The following CLHC1 variants were observed in gnomAD, a reference collection of about 807,000 sequenced individuals.
CLHC1 encodes the protein clathrin heavy chain linker domain containing 1.
In CLHC1, 72 loss-of-function variants were observed where a neutral mutation model predicts 69.5. That is an observed-to-expected ratio of 1.04 (90% CI 0.86 to 1.26). The LOEUF (loss-of-function observed/expected upper bound fraction) is 1.26, where lower values mean the gene tolerates loss of function less well. Among genes scored for constraint, CLHC1 ranks in the 50% most tolerant of loss-of-function variants. The pLI, the probability that CLHC1 is intolerant of heterozygous loss-of-function variation, is 0.00. For synonymous variants in CLHC1, 223 were observed against 224.3 expected (o/e 0.99, Z 0.05); for missense variants, 790 against 679.3 (o/e 1.16, Z -1.81).
chr2:55,208,549 C>T, intron 8 of CLHC1, 77 bp downstream of exon 8: 1 of 876,372 alleles, frequency 1.1e-6, no homozygotes, highest in East Asian at 2.5e-5. Flanking sequence ...CTCCTAGATT[C>T]CCAATCTGGT....
Position 55,175,899 on chromosome 2 carries a change from A to C in CLHC1, c.1652T>G (p.Phe551Cys). Residue 551 changes from phenylalanine (F) to cysteine (C), a missense_variant, in exon 13 of 13, where the codon TTT becomes TGT. Transcript: ENST00000401408. ...CGTGATGTCATTAGATAATTTGTCA[A>C]AGCCATTCTGTGAACATATATTTGC... ...EVANICSQNG[F>C]DKLSNDITSI... The C allele has an allele frequency of 1.9e-6, 3 of 1,614,056 alleles. No individual in the cohort carries two copies. Among genetic ancestry groups the C allele is most frequent in the Non-Finnish European group, 2.5e-6 (3 of 1,179,928 alleles).
At position 55,173,574 on chromosome 2, in the gene CLHC1, T is replaced by C. The variant is rs898641710; in HGVS notation, c.*2216A>G. Among the ~76,000 whole-genome samples, 1 of 152,134 alleles carries C rather than the reference T, an allele frequency of 6.6e-6. No individual in the cohort carries two copies. The highest frequency in any genetic ancestry group is 6.6e-5 in the Admixed American group (1 of 15,262). ...AGGAAAAGGACACATAGCTAGACAG[T>C]GGTGGGGCTGGTCTAGAATGCAGGT... On this transcript the variant is annotated 3_prime_UTR_variant, in exon 13 of 13. Coordinates refer to ENST00000401408, the MANE Select transcript of CLHC1 (RefSeq NM_152385.4).
Position 55,175,724 on chromosome 2 carries a change from T to C in CLHC1, c.*66A>G. 9.2e-7 allele frequency: 1 copy of C among 1,083,258 alleles called. No individual in the cohort carries two copies. Among genetic ancestry groups the C allele is most frequent in the Non-Finnish European group, 1.3e-6 (1 of 740,978 alleles). 67.1% of individuals were successfully genotyped at this position (1,083,258 alleles called of 1,614,324 possible). On this transcript the variant is annotated 3_prime_UTR_variant, in exon 13 of 13. Transcript: ENST00000401408. ...TATTTATAAGTTAGTTACGTTAAAA[T>C]CAGTTTTTCCCAACCAGCATACATA...
chr2:55,208,554 T>A lies in CLHC1; in HGVS notation c.899+72A>T, dbSNP rs1672657868. 4 of 908,514 alleles carry A rather than the reference T, an allele frequency of 4.4e-6. No individual in the cohort carries two copies. The African/African-American group carries it at 6.7e-5, about 15-fold the overall frequency. The allele number at this position is 908,514 out of a possible 1,614,324, so 56.3% of individuals were successfully genotyped here. Reference sequence around the variant, plus strand: ...TCTGAAAAATCTCCTAGATTCCCAATCTGGTATGTTATTCACAAAGAATCT... The same window carrying A: ...TCTGAAAAATCTCCTAGATTCCCAAACTGGTATGTTATTCACAAAGAATCT... On this transcript the variant is annotated intron_variant, in intron 8 of 12. Transcript: ENST00000401408.
intron 10 of CLHC1, 129 bp from the exon 11 acceptor site, chr2:55,180,841 T>A: frequency 1.5e-6 from 1 of 645,662 alleles, no homozygotes; most frequent in Non-Finnish European, 2.7e-6. Context: ...AGTTACAATT[T>A]AATAGGCAAT....
chr2:55,181,443 G>A, intron 10 of CLHC1, 127 bp downstream of exon 10: 1 of 744,768 alleles, frequency 1.3e-6, no homozygotes, highest in Non-Finnish European at 2.1e-6. Flanking sequence ...AACACTTTCT[G>A]ATTAATTGCA....
At chr2:55,180,846 G>C in intron 10 of CLHC1, 134 bp from the exon 11 acceptor site, 1 of 636,276 alleles carries the variant, frequency 1.6e-6, no homozygotes. Context: ...CAATTTAATA[G>C]GCAATTGATT....
Position 55,175,846 on chromosome 2 carries a change from T to C in CLHC1, c.1705A>G (p.Thr569Ala). The C allele has an allele frequency of 6.2e-7, 1 of 1,614,054 alleles. No homozygotes were observed. The highest frequency in any genetic ancestry group is 8.5e-7 in the Non-Finnish European group (1 of 1,179,948). ...TSILRSQAAVTEISEEDDAVN... is the reference protein window; with the variant it reads ...TSILRSQAAVAEISEEDDAVN... ...GCGTCATCCTCTTCAGAAATTTCTG[T>C]AACTGCAGCCTGAGATCGAAGAATA... Residue 569 changes from threonine (T) to alanine (A), a missense_variant, in exon 13 of 13, where the codon ACA (threonine) becomes GCA (alanine). Transcript: ENST00000401408.
At chr2:55,200,501 C>T (rs1012662047) in intron 9 of CLHC1, among the ~76,000 whole-genome samples, 1 of 151,896 alleles carries the variant, frequency 6.6e-6, no homozygotes. Context: ...TATATATGCC[C>T]CTAACACTGG....
At chr2:55,207,154 G>A (rs1210342623) in intron 8 of CLHC1, among the ~76,000 whole-genome samples, 1 of 151,892 alleles carries the variant, frequency 6.6e-6, no homozygotes, top group Non-Finnish European at 1.5e-5. Context: ...GAGATCAAGA[G>A]GTGTCCTTGG....
chr2:55,206,456 ACTAAATAT>A (rs1672457724), intron 8 of CLHC1, 80 bp from the exon 9 acceptor site: 1 of 774,138 alleles, frequency 1.3e-6, no homozygotes. Context: ...TTTAATACAG[ACTAAATAT>A]AGCGGCATAA....
chr2:55,190,483 T>C (rs1008459633), intron 9 of CLHC1, among the ~76,000 whole-genome samples: 4 of 152,142 alleles, frequency 2.6e-5, no homozygotes, highest in Non-Finnish European at 4.4e-5. Context: ...TTAAAAGTTA[T>C]TATAACTGTA....
At chr2:55,229,398 G>C (rs1440945364) in intron 1 of CLHC1, among the ~76,000 whole-genome samples, 1 of 152,058 alleles carries the variant, frequency 6.6e-6, no homozygotes, top group East Asian at 1.9e-4. Flanking sequence ...GAGTGGTTGA[G>C]GCAAAGAGAG....
intron 3 of CLHC1, among the ~76,000 whole-genome samples, chr2:55,220,035 C>T (rs1402478836): frequency 6.6e-6 from 1 of 152,250 alleles, no homozygotes; most frequent in East Asian, 1.9e-4. Flanking sequence ...ACACCTAGCC[C>T]AGTAAGTCAT....
intron 1 of CLHC1, chr2:55,231,970 G>A (rs1042822710): frequency 1.3e-5 from 2 of 152,290 alleles, no homozygotes; most frequent in African/African-American, 4.8e-5. Flanking sequence ...CTACAGGAGA[G>A]AAAGGGCTGA....
chr2:55,193,873 A>G (rs1671154680), intron 9 of CLHC1, among the ~76,000 whole-genome samples: 1 of 152,218 alleles, frequency 6.6e-6, no homozygotes, highest in African/African-American at 2.4e-5. Context: ...GAAAAGCCCA[A>G]TGACCATCAA....
At chr2:55,176,041 T>C in intron 12 of CLHC1, 55 bp from the exon 13 acceptor site, 1 of 1,381,168 alleles carries the variant, frequency 7.2e-7, no homozygotes. Context: ...AATCTATACT[T>C]TAGTGATTCT....
intron 3 of CLHC1, chr2:55,218,674 T>C (rs976474787): frequency 1.3e-5 from 2 of 152,208 alleles, no homozygotes; most frequent in East Asian, 1.9e-4. Context: ...TCTCCTTTAC[T>C]GGTTTATTTA....
chr2:55,202,125 C>G (rs1394831537), intron 9 of CLHC1, among the ~76,000 whole-genome samples: 3 of 152,138 alleles, frequency 2.0e-5, no homozygotes, highest in Non-Finnish European at 4.4e-5. Flanking sequence ...CCACTTTCAC[C>G]ACTGGTATTC....
Sources: allele counts gnomAD v4.1 joint callset (sites outside exome capture counted in the v4.1 genomes callset), GRCh38; gene constraint gnomAD v4.1.1; transcripts MANE v1.5; gene names NCBI Gene and HGNC (gene_info 2026-07-23, HGNC 2026-07-21).